Variants in STPG2 observed in about 807,000 individuals in gnomAD.
STPG2 encodes the protein sperm tail PG-rich repeat containing 2, also known as sperm-tail PG-rich repeat-containing protein 2.
In STPG2, 56 loss-of-function variants were observed where a neutral mutation model predicts 54.2. The ratio of observed to expected loss-of-function variants is 1.03; its 90% CI spans 0.83 to 1.29. The LOEUF is 1.29. Among genes scored for constraint, STPG2 ranks in the 50% most tolerant of loss-of-function variants. The pLI, the probability that STPG2 is intolerant of heterozygous loss-of-function variation, is 0.00. For synonymous variants in STPG2, 200 were observed against 181.8 expected (o/e 1.10, Z -0.81); for missense variants, 596 against 544.9 (o/e 1.09, Z -0.93).
At chr4:97,739,730 C>T (rs1050182118) in intron 9 of STPG2, among the ~76,000 whole-genome samples, 2 of 152,112 alleles carry the variant, frequency 1.3e-5, no homozygotes, top group African/African-American at 4.8e-5. Flanking sequence ...CAGTAGTTTA[C>T]CAACCAAAAA....
chr4:98,134,427 T>C lies in STPG2; in HGVS notation c.142A>G (p.Arg48Gly). Residue 48 changes from arginine (R) to glycine (G), a missense_variant, in exon 2 of 11, where the codon AGA (arginine) becomes GGA (glycine). Physicochemically the swap from Arg to Gly is moderately radical, Grantham distance 125. Coordinates refer to ENST00000295268, the MANE Select transcript of STPG2 (RefSeq NM_174952.3). ...SNAPFLSLTA[R>G]ESTFTIASSI... ...GAGGCAATGGTAAAAGTACTTTCTC[T>C]GGCAGTCAAAGAAAGAAATGGTGCA... 1.3e-6 allele frequency: 2 copies of C among 1,589,218 alleles called. No homozygotes were observed. Among genetic ancestry groups the C allele is most frequent in the African/African-American group, 1.3e-5 (1 of 74,078 alleles).
chr4:98,000,376 C>G (rs1317425381), intron 5 of STPG2, among the ~76,000 whole-genome samples: 1 of 152,106 alleles, frequency 6.6e-6, no homozygotes, highest in Non-Finnish European at 1.5e-5. Context: ...ATACTTGACA[C>G]TATCTTCTTA....
At chr4:97,734,547 T>C (rs1246461571) in intron 9 of STPG2, among the ~76,000 whole-genome samples, 1 of 152,212 alleles carries the variant, frequency 6.6e-6, no homozygotes, top group African/African-American at 2.4e-5. Flanking sequence ...TATGATTCTG[T>C]TGAGATGATC....
At chr4:97,874,860 A>G (rs536862637) in intron 8 of STPG2, among the ~76,000 whole-genome samples, 4 of 151,908 alleles carry the variant, frequency 2.6e-5, no homozygotes, top group African/African-American at 7.2e-5. Context: ...GAGACATGAG[A>G]AAAGTTATGA....
chr4:97,465,852 G>A (rs1294703731), intron 4 of STPG2, among the ~76,000 whole-genome samples: 1 of 151,806 alleles, frequency 6.6e-6, no homozygotes, highest in Non-Finnish European at 1.5e-5. Context: ...TGAAATCTGT[G>A]GATAAGGAAC....
intron 10 of STPG2, among the ~76,000 whole-genome samples, chr4:97,604,875 T>C (rs1045537318): frequency 2.6e-5 from 4 of 151,786 alleles, no homozygotes; most frequent in Non-Finnish European, 4.4e-5. Context: ...ATAATCTGTC[T>C]AGTATTCTTT....
intron 8 of STPG2, among the ~76,000 whole-genome samples, chr4:97,900,948 A>T (rs1162372361): frequency 2.6e-5 from 4 of 151,746 alleles, no homozygotes; most frequent in Non-Finnish European, 5.9e-5. Context: ...AAAACATAAG[A>T]GGTGAAAATA....
intron 7 of STPG2, among the ~76,000 whole-genome samples, chr4:97,953,527 A>G (rs1733550446): frequency 6.6e-6 from 1 of 152,170 alleles, no homozygotes; most frequent in Admixed American, 6.5e-5. Context: ...TGAGTTAACT[A>G]GAAGATTTTT....
intron 10 of STPG2, among the ~76,000 whole-genome samples, chr4:97,704,379 C>T (rs564248907): frequency 3.1e-4 from 47 of 152,122 alleles, no homozygotes; most frequent in South Asian, 2.1e-4. Context: ...GGATTCCTCT[C>T]AACACAACCC....
rs377340186 is a variant in STPG2 at position 97,999,184 on chromosome 4, C to T, written c.613-17866G>A. Among the ~76,000 whole-genome samples, 17 of 152,250 alleles carry T rather than the reference C, an allele frequency of 1.1e-4. No homozygotes were observed. In the East Asian group the frequency reaches 1.2e-3, roughly 10 times the overall value. ...TAACTGAAACAATATTTACCAAGAA[C>T]ATAGTATTTGCCAGGCACATTTCAA... On this transcript the variant is annotated intron_variant, in intron 5 of 10. Transcript: ENST00000295268.
intron 10 of STPG2, among the ~76,000 whole-genome samples, chr4:97,652,984 AT>A (rs1722113461): frequency 6.6e-6 from 1 of 151,952 alleles, no homozygotes; most frequent in East Asian, 1.9e-4. Context: ...GGAGATAGAA[AT>A]TTTTTCAACA....
chr4:97,859,456 CTTTT>C (rs774947521), intron 8 of STPG2, among the ~76,000 whole-genome samples: 2 of 139,260 alleles, frequency 1.4e-5, no homozygotes, highest in Non-Finnish European at 3.0e-5. Flanking sequence ...CTTTTTCTTT[CTTTT>C]CTTTTCTTTT....
At chr4:97,652,085 T>C (rs1722086190) in intron 10 of STPG2, among the ~76,000 whole-genome samples, 1 of 151,878 alleles carries the variant, frequency 6.6e-6, no homozygotes, top group African/African-American at 2.4e-5. Context: ...ATAGTAATAC[T>C]AGTATCAAAA....
At chr4:97,598,997 T>C (rs1374182771) in intron 10 of STPG2, among the ~76,000 whole-genome samples, 1 of 151,930 alleles carries the variant, frequency 6.6e-6, no homozygotes, top group Non-Finnish European at 1.5e-5. Flanking sequence ...TGGGAGAAAA[T>C]ATTTGCAAGC....
chr4:97,879,959 A>C (rs1730310914), intron 8 of STPG2, among the ~76,000 whole-genome samples: 1 of 152,208 alleles, frequency 6.6e-6, no homozygotes, highest in Non-Finnish European at 1.5e-5. Context: ...TATATATCTA[A>C]AGGAACTGAA....
intron 8 of STPG2, among the ~76,000 whole-genome samples, chr4:97,849,367 C>T (rs1729075982): frequency 6.6e-6 from 1 of 151,984 alleles, no homozygotes; most frequent in African/African-American, 2.4e-5. Context: ...TGGGCAAGGA[C>T]TTCATGTCCA....
At chr4:97,455,885 A>G (rs1405235437) in intron 4 of STPG2, among the ~76,000 whole-genome samples, 1 of 152,150 alleles carries the variant, frequency 6.6e-6, no homozygotes, top group Non-Finnish European at 1.5e-5. Context: ...CTGCCCATCT[A>G]CATTCTCCTC....
intron 4 of STPG2, among the ~76,000 whole-genome samples, chr4:97,487,708 T>C (rs1010546294): frequency 2.0e-5 from 3 of 151,470 alleles, no homozygotes; most frequent in East Asian, 1.9e-4. Context: ...TTAAGTTTAC[T>C]ATGTCATGTT....
chr4:97,982,405 C>CACACAT, intron 5 of STPG2, among the ~76,000 whole-genome samples: 1 of 151,626 alleles, frequency 6.6e-6, no homozygotes, highest in African/African-American at 2.4e-5. Flanking sequence ...CACACACACA[C>CACACAT]ACACACAGAT....
Sources: allele counts gnomAD v4.1 joint callset (sites outside exome capture counted in the v4.1 genomes callset), GRCh38; gene constraint gnomAD v4.1.1; transcripts MANE v1.5; gene names NCBI Gene and HGNC (gene_info 2026-07-23, HGNC 2026-07-21).